SLC9A9: variants seen among roughly 807,000 people sequenced by gnomAD.
SLC9A9 encodes the protein solute carrier family 9 member A9, also known as sodium/hydrogen exchanger 9.
Under a neutral mutation model 77.8 loss-of-function variants are expected in SLC9A9, and 62 were observed. The ratio of observed to expected loss-of-function variants is 0.80; its 90% CI spans 0.65 to 0.98. The LOEUF (loss-of-function observed/expected upper bound fraction) is 0.98, where lower values mean the gene tolerates loss of function less well. Among genes scored for constraint, SLC9A9 ranks in the 50% least tolerant of loss-of-function variants. The probability of loss-of-function intolerance (pLI) is 0.00; values close to 1 mark genes in which losing one functional copy is unlikely to be tolerated. For missense variants in SLC9A9, 775 were observed against 774.9 expected (o/e 1.00, Z 0.00); for synonymous variants, 320 against 283.5 (o/e 1.13, Z -1.29).
chr3:143,848,243 A>C lies in SLC9A9; in HGVS notation c.80T>G (p.Phe27Cys). Residue 27 changes from phenylalanine (F) to cysteine (C), a missense_variant, in exon 1 of 16, where the codon TTC (phenylalanine) becomes TGC (cysteine). By Grantham distance (205) the Phe-to-Cys change is radical. Transcript: ENST00000316549. The stretch of plus-strand genomic sequence containing the variant: ...AATGGTAAGGATGAGCAAAAAATTG[A>C]AGACAAGCAGCTCCACCGCTCCCTG... ...QHQGAVELLV[F>C]NFLLILTILT... is the part of the protein sequence containing the mutation. 6.2e-7 allele frequency: 1 copy of C among 1,614,066 alleles called. No homozygotes were observed. Among genetic ancestry groups the C allele is most frequent in the Non-Finnish European group, 8.5e-7 (1 of 1,179,952 alleles).
At chr3:143,370,731 G>GT (rs1380225210) in intron 13 of SLC9A9, among the ~76,000 whole-genome samples, 2 of 150,310 alleles carry the variant, frequency 1.3e-5, no homozygotes, top group Non-Finnish European at 3.0e-5. Context: ...TTAGTATTTT[G>GT]TATGTGTCTA....
Position 143,467,174 on chromosome 3 carries a change from G to C in SLC9A9, c.1332C>G (p.Ile444Met). Residue 444 changes from isoleucine (I) to methionine (M), a missense_variant, in exon 12 of 16, where the codon ATC (isoleucine) becomes ATG (methionine). By Grantham distance (10) the Ile-to-Met change is conservative. Transcript: ENST00000316549. ...MMMFSGLRGA[I>M]AFALAIRNTE... is the part of the protein sequence containing the mutation. ...TGTTCCGAATAGCTAAGGCAAATGC[G>C]ATCGCTCCTCGCAAACCTTGCAGGA... 6.2e-7 allele frequency: 1 copy of C among 1,614,184 alleles called. No individual in the cohort carries two copies. Among genetic ancestry groups the C allele is most frequent in the Non-Finnish European group, 8.5e-7 (1 of 1,180,022 alleles).
chr3:143,748,067 C>A (rs1935236912), intron 4 of SLC9A9, among the ~76,000 whole-genome samples: 1 of 152,216 alleles, frequency 6.6e-6, no homozygotes, highest in Non-Finnish European at 1.5e-5. Context: ...ATCTCAATCC[C>A]ACTGCCTCTA....
At chr3:143,592,825 A>G (rs2108679766) in intron 6 of SLC9A9, among the ~76,000 whole-genome samples, 1 of 152,312 alleles carries the variant, frequency 6.6e-6, no homozygotes, top group East Asian at 1.9e-4. Flanking sequence ...AGAATGTGTG[A>G]AACACTGCAG....
chr3:143,386,943 T>G lies in SLC9A9; in HGVS notation c.1470-4829A>C, dbSNP rs1310559002. Among the ~76,000 whole-genome samples, 4 of 152,214 alleles carry G rather than the reference T, an allele frequency of 2.6e-5. No homozygotes were observed. In the East Asian group the frequency reaches 7.7e-4, roughly 29 times the overall value. ...GCAACCTCCACCTCCTGGGTTCAAG[T>G]GATTCTTTTGCCTTAGCCCCCTGAG... On this transcript the variant is annotated intron_variant, in intron 12 of 15. Transcript: ENST00000316549.
At chr3:143,609,947 T>C (rs1044970365) in intron 6 of SLC9A9, among the ~76,000 whole-genome samples, 1 of 151,594 alleles carries the variant, frequency 6.6e-6, no homozygotes, top group African/African-American at 2.4e-5. Flanking sequence ...TCCCTACAGA[T>C]ATGAAAAGCT....
intron 4 of SLC9A9, among the ~76,000 whole-genome samples, chr3:143,709,798 G>A (rs749672624): frequency 4.6e-5 from 7 of 152,136 alleles, no homozygotes; most frequent in African/African-American, 2.4e-5. Flanking sequence ...ATGAAAAAAC[G>A]AGTGGGAGAG....
At chr3:143,484,326 A>G (rs1470332985) in intron 11 of SLC9A9, among the ~76,000 whole-genome samples, 1 of 152,130 alleles carries the variant, frequency 6.6e-6, no homozygotes, top group Non-Finnish European at 1.5e-5. Context: ...TGTTTGATCT[A>G]TTTTGTTAAC....
Position 143,544,861 on chromosome 3 carries a change from G to T in SLC9A9, c.1089+7501C>A, listed in dbSNP as rs573005024. Among the ~76,000 whole-genome samples the T allele has an allele frequency of 3.3e-5, 5 of 152,206 alleles. No homozygotes were observed. The East Asian group carries it at 9.7e-4, about 29-fold the overall frequency. On this transcript the variant is annotated intron_variant, in intron 9 of 15. Transcript: ENST00000316549. ...GTTTTTGTGTATGGTGAAAGGTAGG[G>T]GTCCAGTTTCATTCTTCCGCATGTG...
chr3:143,505,379 T>G (rs1335809393), intron 9 of SLC9A9, among the ~76,000 whole-genome samples: 5 of 152,224 alleles, frequency 3.3e-5, no homozygotes, highest in Non-Finnish European at 5.9e-5. Context: ...TGATTATATA[T>G]AGCTTTATAT....
chr3:143,268,263 G>A (rs1937787540), intron 15 of SLC9A9, among the ~76,000 whole-genome samples: 1 of 152,134 alleles, frequency 6.6e-6, no homozygotes, highest in African/African-American at 2.4e-5. Context: ...ATAAATCACA[G>A]GCCTAGTATT....
At chr3:143,568,549 G>A (rs886692334) in intron 8 of SLC9A9, among the ~76,000 whole-genome samples, 3 of 152,076 alleles carry the variant, frequency 2.0e-5, no homozygotes, top group East Asian at 1.9e-4. Context: ...TTTACTTGAC[G>A]TATGGATCTG....
At chr3:143,830,351 C>T (rs1344159638) in intron 2 of SLC9A9, among the ~76,000 whole-genome samples, 9 of 152,074 alleles carry the variant, frequency 5.9e-5, no homozygotes, top group East Asian at 3.8e-4. Flanking sequence ...TTTTATGTAC[C>T]GAACTTGCAG....
intron 12 of SLC9A9, among the ~76,000 whole-genome samples, chr3:143,458,029 T>C (rs2035124477): frequency 6.6e-6 from 1 of 152,216 alleles, no homozygotes; most frequent in African/African-American, 2.4e-5. Flanking sequence ...CAGGGACAAG[T>C]ACTGATGTTT....
rs75035051 is a variant in SLC9A9 at position 143,832,114 on chromosome 3, C to T, written c.283G>A (p.Val95Ile). 576 of 1,613,128 alleles carry T rather than the reference C, an allele frequency of 3.6e-4. 3 individuals carry two copies. The African/African-American group carries it at 7.2e-3, about 20-fold the overall frequency. ...KLTFSPSTLLVNITDQVYEYK... is the reference protein window; with the variant it reads ...KLTFSPSTLLINITDQVYEYK... ...TCATAAACTTGGTCAGTGATATTAA[C>T]CAGCAGAGTTGATGGACTGAAAGTT... Residue 95 changes from valine (V) to isoleucine (I), a missense_variant, in exon 2 of 16, where the codon GTT (valine) becomes ATT (isoleucine). By Grantham distance (29) the Val-to-Ile change is conservative (BLOSUM62 3). Transcript: ENST00000316549.
intron 14 of SLC9A9, among the ~76,000 whole-genome samples, chr3:143,327,823 G>A (rs2031648766): frequency 6.6e-6 from 1 of 151,996 alleles, no homozygotes; most frequent in Non-Finnish European, 1.5e-5. Flanking sequence ...CAGGCTAAAG[G>A]AAAAAAATCA....
chr3:143,365,248 T>C (rs558186852), intron 13 of SLC9A9, among the ~76,000 whole-genome samples: 24 of 152,094 alleles, frequency 1.6e-4, no homozygotes, highest in African/African-American at 5.5e-4. Context: ...GACACAAAGA[T>C]GGAAACAATA....
At chr3:143,426,336 A>G (rs2034404650) in intron 12 of SLC9A9, among the ~76,000 whole-genome samples, 1 of 152,226 alleles carries the variant, frequency 6.6e-6, no homozygotes, top group African/African-American at 2.4e-5. Context: ...CATTTTAATC[A>G]ACCCTTTTAT....
At chr3:143,775,657 C>A (rs995116491) in intron 4 of SLC9A9, among the ~76,000 whole-genome samples, 18 of 152,130 alleles carry the variant, frequency 1.2e-4, no homozygotes, top group African/African-American at 3.6e-4. Context: ...GATTTTGGAA[C>A]GGAACTTTAG....
Sources: allele counts gnomAD v4.1 joint callset (sites outside exome capture counted in the v4.1 genomes callset), GRCh38; gene constraint gnomAD v4.1.1; transcripts MANE v1.5; gene names NCBI Gene and HGNC (gene_info 2026-07-23, HGNC 2026-07-21).